Variants in USP54 observed in about 807,000 individuals in gnomAD.
USP54 encodes the protein ubiquitin specific peptidase 54.
Under a neutral mutation model 170.5 loss-of-function variants are expected in USP54, and 87 were observed. That is an observed-to-expected ratio of 0.51 (90% CI 0.43 to 0.61). The LOEUF is 0.61. Ranked by LOEUF, USP54 falls within the 20% of genes least tolerant of loss-of-function variation. The pLI is 0.00. For missense variants in USP54, 1,786 were observed against 2,047.8 expected (o/e 0.87, Z 2.47); for synonymous variants, 655 against 742.8 (o/e 0.88, Z 1.92).
intron 1 of USP54, among the ~76,000 whole-genome samples, chr10:73,577,477 T>G (rs1259425081): frequency 1.3e-5 from 2 of 152,164 alleles, no homozygotes; most frequent in African/African-American, 4.8e-5. Context: ...CTATTTTTAT[T>G]ACTCTCTGTT....
Position 73,589,598 on chromosome 10 carries a change from T to C in USP54, c.-582+1680A>G, listed in dbSNP as rs188780382. Among the ~76,000 whole-genome samples, 5 of 152,334 alleles carry C rather than the reference T, an allele frequency of 3.3e-5. No individual in the cohort carries two copies. The East Asian group carries it at 9.6e-4, about 29-fold the overall frequency. ...CATCAATGCATTATTTATTAATCAT[T>C]ATAAATATACCCGTACTCAAATTAT... On this transcript the variant is annotated intron_variant, in intron 1 of 23. Transcript: ENST00000687698.
At chr10:73,571,336 C>T (rs896287324) in intron 4 of USP54, 85 bp downstream of exon 4, 4 of 1,104,700 alleles carry the variant, frequency 3.6e-6, no homozygotes, top group Non-Finnish European at 5.4e-6. Context: ...AATTCTTTGG[C>T]ATCATCCTGA....
chr10:73,555,647 T>C (rs2070773444), intron 4 of USP54, among the ~76,000 whole-genome samples: 1 of 152,220 alleles, frequency 6.6e-6, no homozygotes, highest in South Asian at 2.1e-4. Context: ...GTAGTCAATT[T>C]ACTAATTTTT....
rs1590192669 is a variant in USP54, at chr10:73,541,793, T to A, written c.573-55A>T. The stretch of plus-strand genomic sequence containing the variant: ...TGGTTTGTATTTAGTTACTGCTAAA[T>A]CAAACATTAATGTACATTCCTAACT... On this transcript the variant is annotated intron_variant, in intron 7 of 23. Coordinates refer to ENST00000687698, the MANE Select transcript of USP54 (RefSeq NM_001391956.1). 3 of 1,533,298 alleles carry A rather than the reference T, an allele frequency of 2.0e-6. No homozygotes were observed. The East Asian group carries it at 6.8e-5, about 34-fold the overall frequency. 95.0% of individuals were successfully genotyped at this position (1,533,298 alleles called of 1,614,324 possible).
rs966722161 is a variant in USP54, at chr10:73,571,369, G to T, written c.240+52C>A. 8 of 1,463,874 alleles carry T rather than the reference G, an allele frequency of 5.5e-6. No individual in the cohort carries two copies. In the African/African-American group the frequency reaches 9.8e-5, roughly 18 times the overall value. The allele number at this position is 1,463,874 out of a possible 1,614,324, so 90.7% of individuals were successfully genotyped here. Reference sequence around the variant, plus strand: ...TGATTAACCAAACCACCTTGATATTGACCATTTGGCCACCCAATGGTAGTG... The same window carrying T: ...TGATTAACCAAACCACCTTGATATTTACCATTTGGCCACCCAATGGTAGTG... On this transcript the variant is annotated intron_variant, in intron 4 of 23. Transcript: ENST00000687698.
At chr10:73,535,259 A>C (rs2064994858) in intron 11 of USP54, among the ~76,000 whole-genome samples, 2 of 152,174 alleles carry the variant, frequency 1.3e-5, no homozygotes, top group South Asian at 4.1e-4. Flanking sequence ...GACATACATT[A>C]GTATAAATTA....
chr10:73,562,601 C>T (rs76782311), intron 4 of USP54, among the ~76,000 whole-genome samples: 6,420 of 152,098 alleles, frequency 0.042, 437 homozygotes, highest in African/African-American at 0.14. Flanking sequence ...TGAGATTAGC[C>T]CAAGTTGCTG....
intron 4 of USP54, among the ~76,000 whole-genome samples, chr10:73,548,552 A>T (rs920437964): frequency 7.3e-5 from 10 of 137,656 alleles, no homozygotes; most frequent in Non-Finnish European, 1.5e-4. Context: ...ATGCAGCCTT[A>T]AAAAAAATGA....
chr10:73,570,529 C>T (rs1433200829), intron 4 of USP54, among the ~76,000 whole-genome samples: 3 of 148,992 alleles, frequency 2.0e-5, no homozygotes, highest in South Asian at 2.1e-4. Context: ...TTAGTACTGG[C>T]ATTACTCTCT....
At chr10:73,618,348 A>G (rs1589422206) in intron 1 of USP54, among the ~76,000 whole-genome samples, 2 of 150,662 alleles carry the variant, frequency 1.3e-5, no homozygotes, top group South Asian at 4.1e-4. Context: ...TGCAACCTCA[A>G]ACACCTGGGC....
At chr10:73,613,427 C>T (rs1021739285) in intron 1 of USP54, among the ~76,000 whole-genome samples, 1 of 151,164 alleles carries the variant, frequency 6.6e-6, no homozygotes, top group Non-Finnish European at 1.5e-5. Flanking sequence ...CGTGAGCCAC[C>T]GCACCCGGCC....
intron 4 of USP54, among the ~76,000 whole-genome samples, chr10:73,556,382 C>T (rs2071049680): frequency 7.0e-6 from 1 of 141,908 alleles, no homozygotes; most frequent in South Asian, 2.2e-4. Context: ...CTCCCTCTGT[C>T]ACCCAGGCAA....
rs202071402 is a variant in USP54 at position 73,519,909 on chromosome 10, G to A, written c.2566C>T (p.Arg856Ter). The change falls in exon 19 of 24, where the codon CGA becomes TGA. Residue 856 changes from arginine to a stop codon, truncating the protein, a stop_gained. Coordinates refer to ENST00000687698, the MANE Select transcript of USP54 (RefSeq NM_001391956.1). LOFTEE classifies it high-confidence loss of function. ...CGATCCTGCAGGCTCCGTGCTTTTCGAATACTGATTTGCAACTTCTTATCG... is the reference window on the plus strand; with the variant it reads ...CGATCCTGCAGGCTCCGTGCTTTTCAAATACTGATTTGCAACTTCTTATCG... ...LVDKKLQISI[R>*]KARSLQDRMQ... The A allele has an allele frequency of 9.9e-6, 16 of 1,613,900 alleles. No homozygotes were observed. Among genetic ancestry groups the A allele is most frequent in the African/African-American group, 1.3e-5 (1 of 74,904 alleles).
At chr10:73,617,283 C>T (rs1198731789) in intron 1 of USP54, among the ~76,000 whole-genome samples, 7 of 146,674 alleles carry the variant, frequency 4.8e-5, no homozygotes, top group Admixed American at 6.7e-5. Flanking sequence ...GCAACAAGAG[C>T]GAAACCCTGT....
intron 18 of USP54, 89 bp downstream of exon 18, chr10:73,520,819 G>C: frequency 6.3e-7 from 1 of 1,578,982 alleles, no homozygotes. Context: ...CACAAAAACT[G>C]TTTTTATCCT....
At chr10:73,552,608 T>C (rs1269022425) in intron 4 of USP54, among the ~76,000 whole-genome samples, 1 of 151,824 alleles carries the variant, frequency 6.6e-6, no homozygotes, top group South Asian at 2.1e-4. Flanking sequence ...CTGGCCAACA[T>C]TGTGAAACCC....
chr10:73,543,967 C>T (rs1451533028), intron 5 of USP54, among the ~76,000 whole-genome samples: 2 of 148,632 alleles, frequency 1.3e-5, no homozygotes, highest in East Asian at 3.9e-4. Flanking sequence ...TTTTGAGACA[C>T]ACTCTGTCTC....
chr10:73,532,815 AAGGAAAAAAAATAG>A, intron 12 of USP54, among the ~76,000 whole-genome samples: 1 of 152,228 alleles, frequency 6.6e-6, no homozygotes, highest in Non-Finnish European at 1.5e-5. Flanking sequence ...AATAAATTGC[AAGGAAAAAAAATAG>A]AGGAAAAAAC....
At chr10:73,617,836 G>A (rs1440358816) in intron 1 of USP54, among the ~76,000 whole-genome samples, 2 of 150,036 alleles carry the variant, frequency 1.3e-5, no homozygotes, top group Admixed American at 6.6e-5. Flanking sequence ...TTTGAGTCCA[G>A]GAGGCAAAAG....
Sources: allele counts gnomAD v4.1 joint callset (sites outside exome capture counted in the v4.1 genomes callset), GRCh38; gene constraint gnomAD v4.1.1; transcripts MANE v1.5; gene names NCBI Gene and HGNC (gene_info 2026-07-23, HGNC 2026-07-21).